The following MARCHF1 variants were observed in gnomAD, a reference collection of about 807,000 sequenced individuals.
The protein encoded by MARCHF1 is membrane associated ring-CH-type finger 1.
Under a neutral mutation model 54.2 loss-of-function variants are expected in MARCHF1, and 40 were observed. The observed-to-expected ratio is 0.74, with a 90% CI of 0.57 to 0.96. MARCHF1 has a LOEUF of 0.96. MARCHF1 is among the 40% of genes least tolerant of loss of function. The pLI is 0.00. For synonymous variants in MARCHF1, 236 were observed against 236.3 expected, an observed-to-expected ratio of 1.00 and a Z score of 0.01; for missense variants, 586 against 656.5, an observed-to-expected ratio of 0.89 and a Z score of 1.17.
chr4:163,757,143 G>A (rs1579261350), intron 4 of MARCHF1, among the ~76,000 whole-genome samples: 1 of 152,156 alleles, frequency 6.6e-6, no homozygotes, highest in African/African-American at 2.4e-5. Context: ...TTTAGTCCCT[G>A]GGGAGAAGAT....
chr4:164,319,367 T>C (rs1359042201), intron 1 of MARCHF1, among the ~76,000 whole-genome samples: 1 of 152,032 alleles, frequency 6.6e-6, no homozygotes, highest in Non-Finnish European at 1.5e-5. Flanking sequence ...TGGAACCAAT[T>C]CCCCATGGAT....
rs180915286 is a variant in MARCHF1 at position 163,932,826 on chromosome 4, T to C, written c.-39+55675A>G. The C allele has an allele frequency of 1.9e-5, 12 of 623,504 alleles. No homozygotes were observed. The Admixed American group carries it at 2.0e-4, about 11-fold the overall frequency. The allele number at this position is 623,504 out of a possible 1,614,324, so 38.6% of individuals were successfully genotyped here. ...CATGGTCCTGGAATTGTTGGATAAA[T>C]ATTTAACAGCCAATGCAACTAATCC... On this transcript the variant is annotated intron_variant, in intron 3 of 9. Coordinates refer to ENST00000514618, the MANE Select transcript of MARCHF1 (RefSeq NM_001394959.1).
chr4:164,162,558 G>A lies in MARCHF1; in HGVS notation c.-322-50896C>T, dbSNP rs562720743. Among the ~76,000 whole-genome samples the A allele has an allele frequency of 2.0e-5, 3 of 152,256 alleles. No homozygotes were observed. In the South Asian group the frequency reaches 6.2e-4, roughly 32 times the overall value. The stretch of plus-strand genomic sequence containing the variant: ...GTCTCATATTATTTGAACATATTTG[G>A]AAACCAGAGGACAACAGAGGTCATT... On this transcript the variant is annotated intron_variant, in intron 1 of 9. Transcript: ENST00000514618.
chr4:163,593,595 T>C (rs1740662169), intron 7 of MARCHF1, among the ~76,000 whole-genome samples: 1 of 152,164 alleles, frequency 6.6e-6, no homozygotes, highest in Admixed American at 6.6e-5. Context: ...GGCTAGGTGT[T>C]TGAATTTTTC....
intron 1 of MARCHF1, among the ~76,000 whole-genome samples, chr4:164,198,706 T>C (rs982559184): frequency 1.3e-4 from 20 of 152,336 alleles, no homozygotes; most frequent in Non-Finnish European, 1.9e-4. Flanking sequence ...CCAGGAAACA[T>C]GGCAGAAGCC....
At chr4:163,765,880 T>C in intron 4 of MARCHF1, among the ~76,000 whole-genome samples, 1 of 147,846 alleles carries the variant, frequency 6.8e-6, no homozygotes, top group Non-Finnish European at 1.5e-5. Flanking sequence ...ATATATAATA[T>C]ATACATATAT....
At chr4:163,737,367 T>TC (rs1746076489) in intron 4 of MARCHF1, among the ~76,000 whole-genome samples, 2 of 20,900 alleles carry the variant, frequency 9.6e-5, no homozygotes. Context: ...CCCTCCCCCC[T>TC]CCCCCGACCC....
intron 4 of MARCHF1, among the ~76,000 whole-genome samples, chr4:163,718,378 G>A (rs1561036623): frequency 2.6e-5 from 4 of 152,140 alleles, no homozygotes; most frequent in Admixed American, 2.6e-4. Context: ...CCTACAGAAT[G>A]GGAGAAAATT....
At chr4:163,775,090 C>A (rs1050293639) in intron 4 of MARCHF1, among the ~76,000 whole-genome samples, 1 of 152,198 alleles carries the variant, frequency 6.6e-6, no homozygotes, top group African/African-American at 2.4e-5. Context: ...CTCACTTCAG[C>A]TCAACACTGA....
intron 1 of MARCHF1, among the ~76,000 whole-genome samples, chr4:164,282,190 CTTCTGTATCATTTGACTCCT>C (rs1278018056): frequency 1.3e-5 from 2 of 150,844 alleles, no homozygotes; most frequent in African/African-American, 4.9e-5. Flanking sequence ...TCAACTACTA[CTTCTGTATCATTTGACTCCT>C]TTCTGTATCA....
chr4:164,038,077 T>C (rs1249673078), intron 2 of MARCHF1, among the ~76,000 whole-genome samples: 2 of 152,182 alleles, frequency 1.3e-5, no homozygotes, highest in African/African-American at 2.4e-5. Context: ...TCAATGTCAA[T>C]ATCTTGGTTG....
intron 2 of MARCHF1, among the ~76,000 whole-genome samples, chr4:164,076,274 G>A (rs1338211025): frequency 6.6e-6 from 1 of 151,944 alleles, no homozygotes; most frequent in Non-Finnish European, 1.5e-5. Flanking sequence ...AGAAGACTTT[G>A]AAATACACAA....
intron 4 of MARCHF1, among the ~76,000 whole-genome samples, chr4:163,850,236 T>G (rs903109437): frequency 5.3e-5 from 8 of 152,100 alleles, no homozygotes; most frequent in African/African-American, 1.9e-4. Flanking sequence ...CCTTCAGGGG[T>G]CTGGGTCCTA....
At chr4:163,550,472 G>A (rs1739072253) in intron 8 of MARCHF1, among the ~76,000 whole-genome samples, 1 of 150,690 alleles carries the variant, frequency 6.6e-6, no homozygotes, top group Non-Finnish European at 1.5e-5. Flanking sequence ...ACCACCAGGT[G>A]GCGCCAGGCC....
At chr4:164,242,319 C>T (rs1288555517) in intron 1 of MARCHF1, among the ~76,000 whole-genome samples, 3 of 113,054 alleles carry the variant, frequency 2.7e-5, no homozygotes, top group African/African-American at 6.9e-5. Flanking sequence ...GGTCCCTGAC[C>T]CCTGACCCCC....
Position 163,854,029 on chromosome 4 carries a change from A to G in MARCHF1, c.103T>C (p.Ser35Pro), listed in dbSNP as rs1328719035. 1 of 1,536,722 alleles carries G rather than the reference A, an allele frequency of 6.5e-7. No homozygotes were observed. The highest frequency in any genetic ancestry group is 1.4e-5 in the African/African-American group (1 of 73,130). ...AGTAACTTTCCACTCACCAATGTGG[A>G]GGTTTGTGAGGCGTCAGCCAAATCC... ...SGDLADASQT[S>P]TLNEKSPGRS... The change falls in exon 4 of 10, where the codon TCC becomes CCC. Residue 35 changes from serine to proline, a missense_variant. By Grantham distance (74) the Ser-to-Pro change is moderately conservative (BLOSUM62 -1). This residue lies in a region of MARCHF1 where 387 missense variants were observed against 394.6 expected (regional missense o/e 0.98). Transcript: ENST00000514618.
chr4:163,935,543 C>T (rs1751774360), intron 3 of MARCHF1, among the ~76,000 whole-genome samples: 1 of 152,144 alleles, frequency 6.6e-6, no homozygotes, highest in Non-Finnish European at 1.5e-5. Flanking sequence ...ATCCTTTCTT[C>T]TGCAGCTTCC....
rs1752861022 is a variant in MARCHF1 at position 163,986,246 on chromosome 4, C to CTTTT, written c.-39+2254_-39+2255insAAAA. ...CCTTTCCTTTTCTCCTAATTAACCT[C>CTTTT]TTCTTTTTTTTTTTTTTTTTTTTTT... On this transcript the variant is annotated intron_variant, in intron 3 of 9. Coordinates refer to ENST00000514618, the MANE Select transcript of MARCHF1 (RefSeq NM_001394959.1). 2.3e-4 allele frequency among the ~76,000 whole-genome samples: 17 copies of CTTTT among 73,774 alleles called. 1 individual carries two copies. Among genetic ancestry groups the CTTTT allele is most frequent in the Admixed American group, 3.9e-4 (2 of 5,166 alleles). 48.4% of individuals were successfully genotyped at this position (73,774 alleles called of 152,430 possible).
chr4:164,172,107 T>TC (rs1730541393), intron 1 of MARCHF1, among the ~76,000 whole-genome samples: 1 of 152,176 alleles, frequency 6.6e-6, no homozygotes, highest in Non-Finnish European at 1.5e-5. Context: ...CCTCAGATCC[T>TC]CCTTTCTTGG....
Sources: allele counts gnomAD v4.1 joint callset (sites outside exome capture counted in the v4.1 genomes callset), GRCh38; gene constraint gnomAD v4.1.1; regional missense constraint gnomAD v4.1.1; transcripts MANE v1.5; gene names NCBI Gene and HGNC (gene_info 2026-07-23, HGNC 2026-07-21).